The following ASIC2 variants were observed in gnomAD, a reference collection of about 807,000 sequenced individuals.
ASIC2 encodes acid-sensing ion channel 2.
Under a neutral mutation model 57.3 loss-of-function variants are expected in ASIC2, and 25 were observed. The observed-to-expected ratio is 0.44, with a 90% CI of 0.32 to 0.61. ASIC2 has a LOEUF of 0.61. Among genes scored for constraint, ASIC2 ranks in the 20% least tolerant of loss-of-function variants. The pLI is 0.06. For synonymous variants in ASIC2, 319 were observed against 307.5 expected, an observed-to-expected ratio of 1.04 and a Z score of -0.39; for missense variants, 641 against 738.1, an observed-to-expected ratio of 0.87 and a Z score of 1.52.
intron 1 of ASIC2, among the ~76,000 whole-genome samples, chr17:33,128,520 C>T (rs2092333396): frequency 6.6e-6 from 1 of 152,194 alleles, no homozygotes; most frequent in African/African-American, 2.4e-5. Flanking sequence ...CGATCACACC[C>T]ATGCAGGAGG....
chr17:33,348,914 G>A (rs73285989), intron 1 of ASIC2, among the ~76,000 whole-genome samples: 4,698 of 152,212 alleles, frequency 0.031, 238 homozygotes, highest in African/African-American at 0.11. Flanking sequence ...GCTGGGCCAC[G>A]ACTGTGGGAA....
intron 1 of ASIC2, among the ~76,000 whole-genome samples, chr17:33,198,506 C>A (rs918188773): frequency 7.2e-5 from 11 of 152,342 alleles, no homozygotes; most frequent in Admixed American, 6.5e-4. Flanking sequence ...AAATGCCCTG[C>A]AGACTTCTTG....
At chr17:33,820,549 G>A (rs182678646) in intron 1 of ASIC2, among the ~76,000 whole-genome samples, 2 of 152,240 alleles carry the variant, frequency 1.3e-5, no homozygotes, top group East Asian at 1.9e-4. Context: ...GCCAATATAC[G>A]TGTATACAAG....
intron 1 of ASIC2, among the ~76,000 whole-genome samples, chr17:33,636,020 A>G (rs926573652): frequency 2.0e-5 from 3 of 152,266 alleles, no homozygotes; most frequent in East Asian, 3.8e-4. Context: ...ATTAATTGAC[A>G]TGGACTGATG....
intron 1 of ASIC2, among the ~76,000 whole-genome samples, chr17:34,040,123 GC>G (rs1305495700): frequency 3.6e-5 from 4 of 109,768 alleles, no homozygotes; most frequent in African/African-American, 1.6e-4. Flanking sequence ...GCCCGACGCG[GC>G]CCCGGGCCCG....
intron 1 of ASIC2, among the ~76,000 whole-genome samples, chr17:33,257,040 T>G (rs944989288): frequency 2.6e-5 from 4 of 152,244 alleles, no homozygotes; most frequent in South Asian, 2.1e-4. Flanking sequence ...GGCCCCTGGG[T>G]CTAATGTATC....
At chr17:33,328,231 G>A (rs140641089) in intron 1 of ASIC2, among the ~76,000 whole-genome samples, 2 of 152,276 alleles carry the variant, frequency 1.3e-5, no homozygotes, top group African/African-American at 2.4e-5. Flanking sequence ...GACATCCATC[G>A]TGTTACAAAA....
chr17:33,187,905 G>GAAAAAAA (rs60454518), intron 1 of ASIC2, among the ~76,000 whole-genome samples: 1 of 90,710 alleles, frequency 1.1e-5, no homozygotes, highest in Non-Finnish European at 2.5e-5. Flanking sequence ...GGTCAGGGAT[G>GAAAAAAA]AAAAAAAAAA....
chr17:33,958,566 C>G (rs1220926941), intron 1 of ASIC2, among the ~76,000 whole-genome samples: 1 of 152,198 alleles, frequency 6.6e-6, no homozygotes, highest in East Asian at 1.9e-4. Flanking sequence ...ACCTTGGCTC[C>G]TTTTAACCAT....
intron 1 of ASIC2, among the ~76,000 whole-genome samples, chr17:33,521,511 C>A (rs945370738): frequency 6.6e-6 from 1 of 152,092 alleles, no homozygotes; most frequent in African/African-American, 2.4e-5. Context: ...GCCACATGAC[C>A]AAGGAGTCAG....
At chr17:33,915,912 G>C (rs1038216020) in intron 1 of ASIC2, among the ~76,000 whole-genome samples, 7 of 152,160 alleles carry the variant, frequency 4.6e-5, no homozygotes, top group African/African-American at 1.7e-4. Context: ...GAGGCCCCGT[G>C]GGGACACTCA....
At chr17:33,304,276 T>C (rs144295266) in intron 1 of ASIC2, among the ~76,000 whole-genome samples, 311 of 152,306 alleles carry the variant, frequency 2.0e-3, no homozygotes, top group Middle Eastern at 6.8e-3. Flanking sequence ...AACATTTCTT[T>C]GAACATGAAC....
At chr17:33,873,451 G>C (rs1305736597) in intron 1 of ASIC2, among the ~76,000 whole-genome samples, 2 of 152,144 alleles carry the variant, frequency 1.3e-5, no homozygotes, top group Non-Finnish European at 2.9e-5. Context: ...TTGTGGTGGG[G>C]ATTCCTCTCT....
Position 33,956,399 on chromosome 17 carries a change from C to T in ASIC2, c.555+199579G>A, listed in dbSNP as rs143764457. 3.8e-3 allele frequency among the ~76,000 whole-genome samples: 575 copies of T among 152,216 alleles called. 7 individuals carry two copies. Among genetic ancestry groups the T allele is most frequent in the South Asian group, 0.017 (80 of 4,814 alleles). ...AGTGAAAAACTCAACCAAAGGGAGT[C>T]GGGTAGCCCTGGCTGCCCCTTCAGT... On this transcript the variant is annotated intron_variant, in intron 1 of 9. Coordinates refer to the ASIC2 transcript ENST00000359872.
At chr17:33,722,632 C>A (rs550783028) in intron 1 of ASIC2, among the ~76,000 whole-genome samples, 4 of 152,030 alleles carry the variant, frequency 2.6e-5, no homozygotes, top group Admixed American at 6.5e-5. Flanking sequence ...TTAGCCAGGC[C>A]TGGTGGCACA....
chr17:33,672,107 G>T (rs1259884108), intron 1 of ASIC2, among the ~76,000 whole-genome samples: 1 of 152,066 alleles, frequency 6.6e-6, no homozygotes, highest in African/African-American at 2.4e-5. Flanking sequence ...TAAACCTCCC[G>T]GTTCTTAACC....
chr17:33,159,318 C>T (rs1257165688), intron 1 of ASIC2, among the ~76,000 whole-genome samples: 1 of 151,776 alleles, frequency 6.6e-6, no homozygotes, highest in Non-Finnish European at 1.5e-5. Context: ...CCAAAATCGT[C>T]TGCCTGTAAC....
chr17:33,452,847 G>T (rs550098376), intron 1 of ASIC2, among the ~76,000 whole-genome samples: 3 of 151,352 alleles, frequency 2.0e-5, no homozygotes, highest in Admixed American at 6.6e-5. Context: ...GCTCAGTCTT[G>T]CAGGGCTGGA....
At chr17:33,479,565 G>A (rs1913335999) in intron 1 of ASIC2, among the ~76,000 whole-genome samples, 1 of 152,174 alleles carries the variant, frequency 6.6e-6, no homozygotes, top group South Asian at 2.1e-4. Flanking sequence ...GAATTGCAGG[G>A]AACACTGGAT....
Sources: gnomAD v4.1 joint callset for allele counts (sites outside exome capture counted in the v4.1 genomes callset) on GRCh38, gnomAD v4.1.1 for gene constraint, MANE v1.5 for transcripts, NCBI Gene and HGNC (gene_info 2026-07-23, HGNC 2026-07-21) for gene names.